The following ITSN1 variants were observed in gnomAD, a reference collection of about 807,000 sequenced individuals.
The protein encoded by ITSN1 is intersectin 1, also known as intersectin-1.
In ITSN1, 58 loss-of-function variants were observed where a neutral mutation model predicts 239.8. The ratio of observed to expected loss-of-function variants is 0.24; its 90% CI spans 0.20 to 0.30. The LOEUF (loss-of-function observed/expected upper bound fraction) is 0.30. Ranked by LOEUF, ITSN1 falls within the 10% of genes least tolerant of loss-of-function variation. The probability of loss-of-function intolerance (pLI) is 1.00; values close to 1 mark genes in which losing one functional copy is unlikely to be tolerated. For synonymous variants in ITSN1, 780 were observed against 770.8 expected (o/e 1.01, Z -0.20); for missense variants, 1,558 against 2,103.3 (o/e 0.74, Z 5.07).
chr21:33,873,987 C>G (rs1373334847), intron 33 of ITSN1, among the ~76,000 whole-genome samples: 1 of 151,184 alleles, frequency 6.6e-6, no homozygotes, highest in Admixed American at 6.6e-5. Flanking sequence ...ATGGTGAAAC[C>G]CCCATCTCTA....
intron 1 of ITSN1, among the ~76,000 whole-genome samples, chr21:33,685,865 TTAA>T (rs760634173): frequency 1.3e-5 from 2 of 152,208 alleles, no homozygotes; most frequent in Non-Finnish European, 2.9e-5. Context: ...TCAAGTGGTT[TTAA>T]TAATAATCAT....
At chr21:33,687,290 C>T (rs1479117571) in intron 1 of ITSN1, among the ~76,000 whole-genome samples, 3 of 149,632 alleles carry the variant, frequency 2.0e-5, no homozygotes, top group Middle Eastern at 3.5e-3. Flanking sequence ...CTCAGCTACT[C>T]GGGAGGCTGT....
intron 1 of ITSN1, among the ~76,000 whole-genome samples, chr21:33,657,125 G>A (rs2089160051): frequency 6.6e-6 from 1 of 152,208 alleles, no homozygotes; most frequent in Non-Finnish European, 1.5e-5. Flanking sequence ...TAATGAACCA[G>A]TTGCCCAAGT....
chr21:33,878,441 C>T (rs1984370633), intron 34 of ITSN1, among the ~76,000 whole-genome samples: 1 of 152,154 alleles, frequency 6.6e-6, no homozygotes. Context: ...TACACATGTG[C>T]TTGTGCCTGT....
At chr21:33,736,479 GAA>G (rs1344744474) in intron 5 of ITSN1, among the ~76,000 whole-genome samples, 4 of 152,174 alleles carry the variant, frequency 2.6e-5, no homozygotes, top group African/African-American at 9.7e-5. Flanking sequence ...TCCAAGAAAA[GAA>G]AGAAAAATCC....
At chr21:33,883,124 G>A (rs879761344) in intron 35 of ITSN1, among the ~76,000 whole-genome samples, 4 of 152,208 alleles carry the variant, frequency 2.6e-5, no homozygotes, top group Non-Finnish European at 5.9e-5. Flanking sequence ...AAAATCTTTG[G>A]AGGGAATTGC....
intron 34 of ITSN1, among the ~76,000 whole-genome samples, chr21:33,876,174 T>C (rs58722781): frequency 9.0e-5 from 13 of 144,802 alleles, no homozygotes; most frequent in African/African-American, 2.9e-4. Flanking sequence ...TCTTTCTTTC[T>C]TTCCTTCCTT....
At chr21:33,851,076 T>C (rs1218991310) in intron 29 of ITSN1, among the ~76,000 whole-genome samples, 1 of 152,232 alleles carries the variant, frequency 6.6e-6, no homozygotes, top group African/African-American at 2.4e-5. Flanking sequence ...GCTTGCTTAT[T>C]GCTCTCTCTC....
At position 33,884,889 on chromosome 21, in the gene ITSN1, T is replaced by C; in HGVS notation, c.4677-152T>C. ...TCGATGGCAGGAATAAGTATTAGCGTCACGTGACATAAAATCAGATTTTCT... is the reference window on the plus strand; with the variant it reads ...TCGATGGCAGGAATAAGTATTAGCGCCACGTGACATAAAATCAGATTTTCT... On this transcript the variant is annotated intron_variant, in intron 36 of 39. Coordinates refer to ENST00000381318, the MANE Select transcript of ITSN1 (RefSeq NM_003024.3). 5 of 623,190 alleles carry C rather than the reference T, an allele frequency of 8.0e-6. No individual in the cohort carries two copies. The South Asian group carries it at 9.6e-5, about 12-fold the overall frequency. The allele number at this position is 623,190 out of a possible 1,614,324, so 38.6% of individuals were successfully genotyped here. A position where few individuals can be genotyped will look rare whatever the true frequency, so the allele number is the denominator to read the frequency against.
rs778367966 is a variant in ITSN1, at chr21:33,867,092, G to T, written c.4075-141G>T. ...CATCCTGGACAGGGTAACTAGTCAG[G>T]CCCTTCCAACCCCAGGTCTCTCAGT... On this transcript the variant is annotated intron_variant, in intron 32 of 39. Coordinates refer to ENST00000381318, the MANE Select transcript of ITSN1 (RefSeq NM_003024.3). 27 of 621,200 alleles carry T rather than the reference G, an allele frequency of 4.3e-5. No individual in the cohort carries two copies. The Admixed American group carries it at 7.0e-4, about 16-fold the overall frequency. 38.5% of individuals were successfully genotyped at this position (621,200 alleles called of 1,614,324 possible).
intron 1 of ITSN1, among the ~76,000 whole-genome samples, chr21:33,693,053 CCCG>C (rs2091622120): frequency 6.6e-6 from 1 of 152,034 alleles, no homozygotes; most frequent in Non-Finnish European, 1.5e-5. Flanking sequence ...CACCTCGCCT[CCCG>C]AAGTGCTGGG....
intron 27 of ITSN1, among the ~76,000 whole-genome samples, chr21:33,833,237 A>G (rs1197267312): frequency 2.6e-5 from 4 of 151,520 alleles, no homozygotes; most frequent in African/African-American, 9.7e-5. Flanking sequence ...GTGCAGAAAC[A>G]CTCCATAAAT....
chr21:33,746,934 A>G (rs1191837140), intron 5 of ITSN1, among the ~76,000 whole-genome samples: 1 of 152,130 alleles, frequency 6.6e-6, no homozygotes, highest in Non-Finnish European at 1.5e-5. Context: ...TGGGCGGATC[A>G]CCCGAGGTTA....
intron 33 of ITSN1, among the ~76,000 whole-genome samples, chr21:33,874,922 C>G (rs1325049979): frequency 6.6e-6 from 1 of 152,230 alleles, no homozygotes; most frequent in Non-Finnish European, 1.5e-5. Context: ...GCTGGGATTA[C>G]AGGCGTGAGC....
chr21:33,873,334 T>G (rs1361511552), intron 33 of ITSN1, among the ~76,000 whole-genome samples: 1 of 152,254 alleles, frequency 6.6e-6, no homozygotes, highest in Non-Finnish European at 1.5e-5. Context: ...GCCCTCGGCA[T>G]TCTCCTGGTA....
At chr21:33,650,101 C>T (rs941196642) in intron 1 of ITSN1, among the ~76,000 whole-genome samples, 1 of 151,762 alleles carries the variant, frequency 6.6e-6, no homozygotes, top group African/African-American at 2.4e-5. Context: ...AGAATTTTAC[C>T]CTTGGTGGTT....
At chr21:33,786,778 G>C (rs2070711745) in intron 16 of ITSN1, among the ~76,000 whole-genome samples, 1 of 152,162 alleles carries the variant, frequency 6.6e-6, no homozygotes, top group Non-Finnish European at 1.5e-5. Flanking sequence ...GTGTGTACTG[G>C]ACAAGTCCTA....
chr21:33,793,815 G>A (rs2071332723), intron 16 of ITSN1, among the ~76,000 whole-genome samples: 1 of 152,156 alleles, frequency 6.6e-6, no homozygotes, highest in Non-Finnish European at 1.5e-5. Flanking sequence ...ATAGACCCTG[G>A]GGGGAAGAAT....
chr21:33,875,842 G>A (rs1048845688), intron 34 of ITSN1, among the ~76,000 whole-genome samples: 5 of 152,022 alleles, frequency 3.3e-5, no homozygotes, highest in African/African-American at 7.2e-5. Flanking sequence ...CACTACACCC[G>A]GCTAATTTTT....
Sources: gnomAD v4.1 joint callset for allele counts (sites outside exome capture counted in the v4.1 genomes callset) on GRCh38, gnomAD v4.1.1 for gene constraint, MANE v1.5 for transcripts, NCBI Gene and HGNC (gene_info 2026-07-23, HGNC 2026-07-21) for gene names.